L3MBTL4: variants seen among roughly 807,000 people sequenced by gnomAD.
L3MBTL4 encodes L3MBTL histone methyl-lysine binding protein 4.
Under a neutral mutation model 84.5 loss-of-function variants are expected in L3MBTL4, and 70 were observed. The observed-to-expected ratio is 0.83, with a 90% CI of 0.68 to 1.01. The LOEUF (loss-of-function observed/expected upper bound fraction) is 1.01, where lower values mean the gene tolerates loss of function less well. Ranked by LOEUF, L3MBTL4 falls within the 50% of genes least tolerant of loss-of-function variation. The pLI, the probability that L3MBTL4 is intolerant of heterozygous loss-of-function variation, is 0.00. For missense variants in L3MBTL4, 715 were observed against 754.8 expected (o/e 0.95, Z 0.62); for synonymous variants, 274 against 259.8 (o/e 1.05, Z -0.52).
chr18:6,286,441 G>A (rs567362371), intron 4 of L3MBTL4, among the ~76,000 whole-genome samples: 6 of 151,432 alleles, frequency 4.0e-5, no homozygotes, highest in African/African-American at 1.4e-4. Flanking sequence ...TCGCCTGGGC[G>A]ACAGAGTGAG....
intron 9 of L3MBTL4, 56 bp from the exon 10 acceptor site, chr18:6,238,096 T>C: frequency 3.5e-6 from 5 of 1,442,024 alleles, no homozygotes; most frequent in Non-Finnish European, 4.9e-6. Flanking sequence ...AGAGAAAGAA[T>C]TCAAGAGTAA....
chr18:6,057,036 TC>T (rs1049571055), intron 16 of L3MBTL4, among the ~76,000 whole-genome samples: 32 of 152,160 alleles, frequency 2.1e-4, no homozygotes, highest in African/African-American at 7.0e-4. Flanking sequence ...TCTTTCTTTT[TC>T]TTTTTTTTTT....
chr18:6,411,703 G>A (rs1330514552), intron 1 of L3MBTL4, among the ~76,000 whole-genome samples: 1 of 152,090 alleles, frequency 6.6e-6, no homozygotes, highest in Non-Finnish European at 1.5e-5. Context: ...CTCAATGCTA[G>A]TTTAGTCACC....
intron 12 of L3MBTL4, among the ~76,000 whole-genome samples, chr18:6,199,514 G>A (rs955363597): frequency 3.3e-5 from 5 of 152,166 alleles, no homozygotes; most frequent in African/African-American, 1.2e-4. Context: ...TGGGATTACT[G>A]TATAGAGACC....
intron 1 of L3MBTL4, among the ~76,000 whole-genome samples, chr18:6,383,477 G>A (rs2054684713): frequency 6.6e-6 from 1 of 152,174 alleles, no homozygotes; most frequent in Non-Finnish European, 1.5e-5. Context: ...TGCAGGTTGT[G>A]AAGACCATGG....
At chr18:6,229,590 TA>T (rs543534762) in intron 10 of L3MBTL4, among the ~76,000 whole-genome samples, 39 of 152,348 alleles carry the variant, frequency 2.6e-4, no homozygotes, top group African/African-American at 9.1e-4. Flanking sequence ...CGTTTTCTTT[TA>T]AGAACTTCAA....
intron 13 of L3MBTL4, among the ~76,000 whole-genome samples, chr18:6,168,602 G>T (rs1360495377): frequency 9.3e-5 from 14 of 150,612 alleles, no homozygotes; most frequent in African/African-American, 2.2e-4. Context: ...AATAAATGGT[G>T]CTGGGAAAAC....
intron 13 of L3MBTL4, among the ~76,000 whole-genome samples, chr18:6,162,532 T>C (rs1405701395): frequency 1.3e-5 from 2 of 152,208 alleles, no homozygotes; most frequent in Non-Finnish European, 2.9e-5. Flanking sequence ...AAACTCTATT[T>C]TGATCTGATT....
chr18:5,990,768 T>C (rs1040996870), intron 16 of L3MBTL4, among the ~76,000 whole-genome samples: 2 of 127,012 alleles, frequency 1.6e-5, no homozygotes, highest in South Asian at 5.2e-4. Context: ...AGGGTTCATG[T>C]GGGTGTGTGT....
rs1170385252 is a variant in L3MBTL4, at chr18:6,396,617, T to C, written c.-91+18184A>G. 3 of 152,268 alleles carry C rather than the reference T, an allele frequency of 2.0e-5. No individual in the cohort carries two copies. The East Asian group carries it at 5.8e-4, about 29-fold the overall frequency. 9.4% of individuals were successfully genotyped at this position (152,268 alleles called of 1,614,324 possible). ...TGACTTAGACAGGCAAAGGCATCAG[T>C]GGCATTGTTCTTCCTAAGAAAAGAA... On this transcript the variant is annotated intron_variant, in intron 1 of 18. Transcript: ENST00000317931.
At chr18:6,256,527 C>A (rs398867) in intron 5 of L3MBTL4, among the ~76,000 whole-genome samples, 13,374 of 151,028 alleles carry the variant, frequency 0.089, 1,914 homozygotes, top group African/African-American at 0.3. Context: ...GACATAAAGT[C>A]TTTCTTTCTG....
intron 13 of L3MBTL4, among the ~76,000 whole-genome samples, chr18:6,147,821 A>G (rs1185539330): frequency 6.6e-6 from 1 of 152,226 alleles, no homozygotes; most frequent in Non-Finnish European, 1.5e-5. Flanking sequence ...TTGAAATGAG[A>G]CAGAAGACCA....
chr18:6,163,067 G>A (rs1225747641), intron 13 of L3MBTL4, among the ~76,000 whole-genome samples: 1 of 152,098 alleles, frequency 6.6e-6, no homozygotes, highest in East Asian at 1.9e-4. Context: ...TTCCAGGAAA[G>A]AAGAGAGAAA....
chr18:6,061,123 GC>G (rs908510727), intron 16 of L3MBTL4, among the ~76,000 whole-genome samples: 16 of 152,232 alleles, frequency 1.1e-4, no homozygotes, highest in African/African-American at 3.6e-4. Context: ...GTACCATTTT[GC>G]TTCCCTACCA....
chr18:6,218,007 AT>A lies in L3MBTL4; in HGVS notation c.785-2173del, dbSNP rs757472112. 2.1e-3 allele frequency among the ~76,000 whole-genome samples: 317 copies of A among 151,986 alleles called. 1 individual carries two copies. The highest frequency in any genetic ancestry group is 3.1e-3 in the Non-Finnish European group (214 of 67,952). On this transcript the variant is annotated intron_variant, in intron 10 of 18. Coordinates refer to ENST00000317931, the MANE Select transcript of L3MBTL4 (RefSeq NM_001330559.2). ...TTTCTGTAAACATGTTTTAAGCTGA[AT>A]TTTTTTTAAGCTCTCTTGAGGTTTC...
At chr18:6,365,935 G>GA (rs761335360) in intron 1 of L3MBTL4, among the ~76,000 whole-genome samples, 7 of 151,900 alleles carry the variant, frequency 4.6e-5, no homozygotes, top group Non-Finnish European at 5.9e-5. Flanking sequence ...CACAAGCTTT[G>GA]AAAAAAAATC....
chr18:6,182,731 G>T (rs1323365690), intron 12 of L3MBTL4, among the ~76,000 whole-genome samples: 1 of 152,184 alleles, frequency 6.6e-6, no homozygotes, highest in Non-Finnish European at 1.5e-5. Flanking sequence ...GTGTAAGGAA[G>T]AGGTCTAGTT....
At chr18:6,031,941 T>C (rs866187728) in intron 16 of L3MBTL4, 7 of 652,192 alleles carry the variant, frequency 1.1e-5, no homozygotes, top group South Asian at 6.6e-5. Flanking sequence ...TTGTACCCAT[T>C]AAAAGGAATT....
intron 3 of L3MBTL4, among the ~76,000 whole-genome samples, chr18:6,305,283 G>A (rs2050532441): frequency 6.6e-6 from 1 of 152,164 alleles, no homozygotes; most frequent in Admixed American, 6.5e-5. Context: ...ACCACTAAAA[G>A]CTATTTAACT....
Sources: allele counts gnomAD v4.1 joint callset (sites outside exome capture counted in the v4.1 genomes callset), GRCh38; gene constraint gnomAD v4.1.1; transcripts MANE v1.5; gene names NCBI Gene and HGNC (gene_info 2026-07-23, HGNC 2026-07-21).